CNIH3: variants seen among roughly 807,000 people sequenced by gnomAD.
CNIH3 encodes protein cornichon homolog 3.
A neutral mutation model predicts 24.1 loss-of-function variants in CNIH3; 14 were observed. That is an observed-to-expected ratio of 0.58 (90% confidence interval 0.38 to 0.91). The LOEUF (loss-of-function observed/expected upper bound fraction) is 0.91, where lower values mean the gene tolerates loss of function less well. Among genes scored for constraint, CNIH3 ranks in the 40% least tolerant of loss-of-function variants. The probability of loss-of-function intolerance (pLI) is 0.00; values close to 1 mark genes in which losing one functional copy is unlikely to be tolerated. For missense variants in CNIH3, 178 were observed against 196.8 expected (o/e 0.90, Z 0.57); for synonymous variants, 68 against 73.8 (o/e 0.92, Z 0.40).
At chr1:224,689,704 G>A (rs934040554) in intron 3 of CNIH3, among the ~76,000 whole-genome samples, 4 of 152,218 alleles carry the variant, frequency 2.6e-5, no homozygotes, top group African/African-American at 9.6e-5. Context: ...GCAGCTGATT[G>A]TTGTTAAACC....
At chr1:224,634,847 A>C (rs1172282780) in intron 1 of CNIH3, among the ~76,000 whole-genome samples, 1 of 152,150 alleles carries the variant, frequency 6.6e-6, no homozygotes, top group Non-Finnish European at 1.5e-5. Context: ...CCCTACCTGC[A>C]CCACTTAATA....
intron 1 of CNIH3, among the ~76,000 whole-genome samples, chr1:224,621,408 A>G (rs759890318): frequency 5.3e-5 from 8 of 152,132 alleles, no homozygotes; most frequent in Non-Finnish European, 8.8e-5. Context: ...AAATGGTAGG[A>G]TGCTTGGGGT....
downstream of CNIH3, among the ~76,000 whole-genome samples, chr1:224,592,270 C>A (rs1681792799): frequency 6.6e-6 from 1 of 152,072 alleles, no homozygotes; most frequent in African/African-American, 2.4e-5. Flanking sequence ...CACCTCACAG[C>A]TTTTAAAAGC....
At chr1:224,562,911 C>A (rs750917503) in intron 3 of CNIH3, among the ~76,000 whole-genome samples, 1 of 152,252 alleles carries the variant, frequency 6.6e-6, no homozygotes. Flanking sequence ...ACACAAAGTG[C>A]TGAAAAGAGT....
At chr1:224,568,399 C>T (rs898329362) in intron 4 of CNIH3, among the ~76,000 whole-genome samples, 2 of 152,074 alleles carry the variant, frequency 1.3e-5, no homozygotes, top group Admixed American at 1.3e-4. Flanking sequence ...TTAGTCATCA[C>T]CTCATTTAAT....
intron 4 of CNIH3, among the ~76,000 whole-genome samples, chr1:224,577,824 C>T (rs1324477182): frequency 6.6e-6 from 1 of 152,106 alleles, no homozygotes; most frequent in Non-Finnish European, 1.5e-5. Context: ...CCTAAATGCC[C>T]ATCAACCAAC....
chr1:224,473,429 A>G (rs1184685307), intron 1 of CNIH3, among the ~76,000 whole-genome samples: 1 of 152,220 alleles, frequency 6.6e-6, no homozygotes, highest in Non-Finnish European at 1.5e-5. Context: ...AGACCCAGTG[A>G]TCTGATGCCT....
At chr1:224,500,012 T>G (rs1485202841) in intron 1 of CNIH3, among the ~76,000 whole-genome samples, 1 of 152,072 alleles carries the variant, frequency 6.6e-6, no homozygotes, top group African/African-American at 2.4e-5. Flanking sequence ...CTTTTTTCTT[T>G]TTTCTTTTTG....
At chr1:224,689,641 C>T (rs902522191) in intron 3 of CNIH3, among the ~76,000 whole-genome samples, 9 of 152,162 alleles carry the variant, frequency 5.9e-5, no homozygotes, top group African/African-American at 2.2e-4. Flanking sequence ...CTGCACCTTC[C>T]AAGAATTTCT....
At chr1:224,584,096 A>G (rs1019344623) in intron 5 of CNIH3, among the ~76,000 whole-genome samples, 1 of 152,218 alleles carries the variant, frequency 6.6e-6, no homozygotes, top group Non-Finnish European at 1.5e-5. Flanking sequence ...CTTAGCGGAC[A>G]ACTTTTAAAA....
chr1:224,506,287 G>GCA (rs56331612), intron 1 of CNIH3, among the ~76,000 whole-genome samples: 35,841 of 147,210 alleles, frequency 0.24, 4,469 homozygotes, highest in African/African-American at 0.28. Flanking sequence ...GCGCGCGCGC[G>GCA]CACACACACA....
intron 1 of CNIH3, among the ~76,000 whole-genome samples, chr1:224,453,907 A>G (rs1355390912): frequency 6.6e-6 from 1 of 152,194 alleles, no homozygotes; most frequent in Non-Finnish European, 1.5e-5. Context: ...CAACAGAACT[A>G]TTAAAACCCG....
At chr1:224,737,956 A>AT (rs920281823) in intron 5 of CNIH3, among the ~76,000 whole-genome samples, 2 of 152,048 alleles carry the variant, frequency 1.3e-5, no homozygotes, top group Non-Finnish European at 2.9e-5. Context: ...CTGTAGAAAG[A>AT]TTTTTTTCCG....
intron 3 of CNIH3, chr1:224,565,270 C>T (rs1037814191): frequency 1.3e-5 from 2 of 152,234 alleles, no homozygotes; most frequent in Non-Finnish European, 2.9e-5. Flanking sequence ...CAACTGTATA[C>T]TCTGAGTCAC....
chr1:224,709,083 C>T (rs939465057), intron 3 of CNIH3, among the ~76,000 whole-genome samples: 20 of 152,324 alleles, frequency 1.3e-4, no homozygotes, highest in South Asian at 4.1e-4. Context: ...AGATCACTTC[C>T]GTGACCACCA....
Position 224,658,973 on chromosome 1 carries a change from G to A in CNIH3, c.82-21985G>A, listed in dbSNP as rs141244828. On this transcript the variant is annotated intron_variant, in intron 1 of 5. Coordinates refer to ENST00000272133, the MANE Select transcript of CNIH3 (RefSeq NM_152495.2). ...CAGATCAATGCTTCAAGAAAATCTT[G>A]TTATTCTGACACAGAGGCCCAGATG... Among the ~76,000 whole-genome samples the A allele has an allele frequency of 5.7e-3, 861 of 152,278 alleles. 14 individuals are homozygous for A. Among genetic ancestry groups the A allele is most frequent in the African/African-American group, 0.02 (811 of 41,552 alleles).
chr1:224,678,584 T>G (rs1264688100), intron 1 of CNIH3, among the ~76,000 whole-genome samples: 2 of 152,038 alleles, frequency 1.3e-5, no homozygotes, highest in African/African-American at 4.8e-5. Flanking sequence ...AGAGGAAAGA[T>G]TTGCTGGGGT....
rs976003770 is a variant in CNIH3, at chr1:224,585,438, T to C, written n.620+2171T>C. Among the ~76,000 whole-genome samples the C allele has an allele frequency of 2.0e-5, 3 of 152,210 alleles. No homozygotes were observed. In the South Asian group the frequency reaches 6.2e-4, roughly 32 times the overall value. On this transcript the variant is annotated intron_variant and non_coding_transcript_variant, in intron 5 of 5. Coordinates refer to the CNIH3 transcript ENST00000471578. ...GCCATATCCTACACGTGCCCAGTAATATACTGGTGATATTAAACCAAAGCA... is the reference window on the plus strand; with the variant it reads ...GCCATATCCTACACGTGCCCAGTAACATACTGGTGATATTAAACCAAAGCA...
intron 3 of CNIH3, among the ~76,000 whole-genome samples, chr1:224,711,397 T>C (rs1688138562): frequency 6.6e-6 from 1 of 151,830 alleles, no homozygotes; most frequent in African/African-American, 2.4e-5. Context: ...TGTAGCTTAC[T>C]GCAGTCTTGA....
Sources: allele counts gnomAD v4.1 joint callset (sites outside exome capture counted in the v4.1 genomes callset), GRCh38; gene constraint gnomAD v4.1.1; transcripts MANE v1.5; gene names NCBI Gene and HGNC (gene_info 2026-07-23, HGNC 2026-07-21).